Variants in CDK14 observed in about 807,000 individuals in gnomAD.
CDK14 encodes the protein cyclin-dependent kinase 14.
Under a neutral mutation model 60.7 loss-of-function variants are expected in CDK14, and 34 were observed. The observed-to-expected ratio is 0.56, with a 90% CI of 0.43 to 0.75. CDK14 has a LOEUF of 0.75. Among genes scored for constraint, CDK14 ranks in the 30% least tolerant of loss-of-function variants. The pLI, the probability that CDK14 is intolerant of heterozygous loss-of-function variation, is 0.00. For synonymous variants in CDK14, 197 were observed against 203.7 expected (o/e 0.97, Z 0.28); for missense variants, 482 against 564.1 (o/e 0.85, Z 1.47).
chr7:90,969,798 T>A (rs554926346), intron 9 of CDK14, among the ~76,000 whole-genome samples: 42 of 152,248 alleles, frequency 2.8e-4, no homozygotes, highest in African/African-American at 9.4e-4. Context: ...TTTCTTACAG[T>A]AGTCCTCGGT....
In CDK14 at chr7:90,600,659, A is replaced by T. The variant is rs974346170; in HGVS notation, c.92-3559A>T. ...ACGAATTCATTATGTCAGAAAAGAG[A>T]AATATAAGGTTAAATGTTCAGACAC... On this transcript the variant is annotated intron_variant, in intron 1 of 14. Transcript: ENST00000380050. Among the ~76,000 whole-genome samples the T allele has an allele frequency of 4.6e-5, 7 of 152,204 alleles. No homozygotes were observed. In the East Asian group the frequency reaches 9.6e-4, roughly 21 times the overall value.
chr7:90,640,669 G>C lies in CDK14; in HGVS notation c.123+36420G>C, dbSNP rs540700257. Among the ~76,000 whole-genome samples the C allele has an allele frequency of 2.0e-5, 3 of 152,148 alleles. No individual in the cohort carries two copies. In the South Asian group the frequency reaches 6.2e-4, roughly 32 times the overall value. On this transcript the variant is annotated intron_variant, in intron 2 of 14. Transcript: ENST00000380050. ...TTTAAAAGAATAATATTAAGAAAGT[G>C]AAAAGATAGGCCTCTGTGGTTTGAT...
chr7:91,198,006 G>T (rs1194874456), intron 14 of CDK14, among the ~76,000 whole-genome samples: 8 of 152,200 alleles, frequency 5.3e-5, no homozygotes, highest in Non-Finnish European at 8.8e-5. Context: ...AGGTACATGG[G>T]AGGGAGTTGG....
intron 5 of CDK14, among the ~76,000 whole-genome samples, chr7:90,808,256 C>T (rs1412547569): frequency 2.0e-5 from 3 of 152,226 alleles, no homozygotes; most frequent in Non-Finnish European, 4.4e-5. Flanking sequence ...ATCAGACTAA[C>T]AGTGGATCTC....
intron 12 of CDK14, among the ~76,000 whole-genome samples, chr7:91,108,523 AC>A (rs909112381): frequency 1.3e-5 from 2 of 152,130 alleles, no homozygotes; most frequent in African/African-American, 4.8e-5. Context: ...AGAATTTAAA[AC>A]CTAAGAACTG....
chr7:91,201,507 T>C (rs1384985824), intron 14 of CDK14, among the ~76,000 whole-genome samples: 1 of 151,482 alleles, frequency 6.6e-6, no homozygotes, highest in Non-Finnish European at 1.5e-5. Flanking sequence ...AAAGAGTACT[T>C]TGAGGAAGGG....
intron 4 of CDK14, among the ~76,000 whole-genome samples, chr7:90,777,564 G>C (rs997093460): frequency 6.6e-6 from 1 of 152,282 alleles, no homozygotes; most frequent in Non-Finnish European, 1.5e-5. Flanking sequence ...GCAGAGCTAG[G>C]CATTGTTGTT....
intron 12 of CDK14, among the ~76,000 whole-genome samples, chr7:91,092,217 G>A (rs1584046013): frequency 6.6e-6 from 1 of 152,092 alleles, no homozygotes; most frequent in East Asian, 1.9e-4. Context: ...CAGGAATAAA[G>A]GACTGTGAAA....
intron 2 of CDK14, among the ~76,000 whole-genome samples, chr7:90,654,774 T>A (rs1267607494): frequency 6.6e-6 from 1 of 152,188 alleles, no homozygotes; most frequent in East Asian, 1.9e-4. Flanking sequence ...CTGTTATTAA[T>A]ATTTTGCGTG....
rs188326635 is a variant in CDK14, at chr7:90,866,366, C to A, written c.639+3097C>A. Among the ~76,000 whole-genome samples, 318 of 151,866 alleles carry A rather than the reference C, an allele frequency of 2.1e-3. 3 individuals carry two copies. Among genetic ancestry groups the A allele is most frequent in the African/African-American group, 7.5e-3 (312 of 41,450 alleles). ...TGTTGCTGTATTTCAGAATTATTAA[C>A]ATCAAAGATATTTTCTAAACAATGT... On this transcript the variant is annotated intron_variant, in intron 6 of 14. Coordinates refer to ENST00000380050, the MANE Select transcript of CDK14 (RefSeq NM_001287135.2).
intron 14 of CDK14, among the ~76,000 whole-genome samples, chr7:91,139,837 C>CTTTT (rs1800400993): frequency 8.8e-6 from 1 of 113,386 alleles, no homozygotes; most frequent in Non-Finnish European, 2.1e-5. Flanking sequence ...TCTTGCTCTT[C>CTTTT]CTTTCTTCCT....
chr7:90,742,894 G>A lies in CDK14; in HGVS notation c.370-4787G>A, dbSNP rs1266323659. Among the ~76,000 whole-genome samples the A allele has an allele frequency of 5.3e-5, 8 of 151,982 alleles. No homozygotes were observed. In the South Asian group the frequency reaches 1.5e-3, roughly 28 times the overall value. On this transcript the variant is annotated intron_variant, in intron 3 of 14. Coordinates refer to ENST00000380050, the MANE Select transcript of CDK14 (RefSeq NM_001287135.2). ...ATCCCCTATCGGAAATGCTTGGTAC[G>A]GAGGTATTTTGGCTTTAAGATTTTT... is the stretch of plus-strand genomic sequence containing the variant.
intron 2 of CDK14, among the ~76,000 whole-genome samples, chr7:90,616,489 A>G (rs1261037088): frequency 6.6e-6 from 1 of 152,166 alleles, no homozygotes; most frequent in East Asian, 1.9e-4. Context: ...AAGGCAGACT[A>G]TTTAATCTTA....
intron 9 of CDK14, among the ~76,000 whole-genome samples, chr7:90,975,914 C>T (rs1438515714): frequency 6.6e-6 from 1 of 152,032 alleles, no homozygotes; most frequent in Non-Finnish European, 1.5e-5. Flanking sequence ...TGCTTGTAGA[C>T]CATATTTTCT....
intron 2 of CDK14, among the ~76,000 whole-genome samples, chr7:90,656,383 CT>C (rs5885737): frequency 6.6e-4 from 92 of 139,504 alleles, no homozygotes; most frequent in Non-Finnish European, 6.1e-4. Context: ...TTCTTTCTTT[CT>C]TTTTTTTTTT....
In CDK14 at chr7:90,855,969, G is replaced by A. The variant is rs561980008; in HGVS notation, c.545-7206G>A. Among the ~76,000 whole-genome samples the A allele has an allele frequency of 3.9e-5, 6 of 152,314 alleles. No homozygotes were observed. The East Asian group carries it at 1.2e-3, about 29-fold the overall frequency. On this transcript the variant is annotated intron_variant, in intron 5 of 14. Transcript: ENST00000380050. ...TTCCAATATCACATTTCAGTTCTAT[G>A]ATGTTAGGGAAATTAGAGAGAAGCA...
At chr7:90,816,059 A>C (rs1421063799) in intron 5 of CDK14, among the ~76,000 whole-genome samples, 1 of 151,952 alleles carries the variant, frequency 6.6e-6, no homozygotes. Context: ...TGTTCTATAC[A>C]TGTATCCCAG....
At chr7:91,056,162 C>T (rs1283567797) in intron 11 of CDK14, among the ~76,000 whole-genome samples, 1 of 152,076 alleles carries the variant, frequency 6.6e-6, no homozygotes, top group Non-Finnish European at 1.5e-5. Flanking sequence ...GGGTGTTGAC[C>T]ACAGTACCTT....
intron 5 of CDK14, among the ~76,000 whole-genome samples, chr7:90,812,580 C>A (rs533185916): frequency 1.8e-4 from 27 of 152,104 alleles, no homozygotes; most frequent in Non-Finnish European, 2.5e-4. Context: ...TACTAACCTG[C>A]ACATTGTGCA....
Sources: allele counts gnomAD v4.1 joint callset (sites outside exome capture counted in the v4.1 genomes callset), GRCh38; gene constraint gnomAD v4.1.1; transcripts MANE v1.5; gene names NCBI Gene and HGNC (gene_info 2026-07-23, HGNC 2026-07-21).